The following CD84 variants were observed in gnomAD, a reference collection of about 807,000 sequenced individuals.
CD84 encodes the protein CD84 molecule, also known as SLAM family member 5.
CD84 carries 22 observed loss-of-function variants against 33.8 expected under a neutral mutation model. The observed-to-expected ratio is 0.65, with a 90% CI of 0.46 to 0.93. CD84 has a LOEUF of 0.93. Among genes scored for constraint, CD84 ranks in the 40% least tolerant of loss-of-function variants. The pLI is 0.00. For missense variants in CD84, 400 were observed against 397.6 expected (o/e 1.01, Z -0.05); for synonymous variants, 154 against 145.2 (o/e 1.06, Z -0.44).
chr1:160,578,104 G>A (rs575573988), intron 1 of CD84, among the ~76,000 whole-genome samples: 8 of 152,234 alleles, frequency 5.3e-5, no homozygotes, highest in African/African-American at 1.7e-4. Context: ...ACCAATTTAG[G>A]TAGTGAAATT....
intron 6 of CD84, among the ~76,000 whole-genome samples, chr1:160,549,121 G>T (rs1656013350): frequency 1.3e-5 from 2 of 151,890 alleles, no homozygotes; most frequent in African/African-American, 4.8e-5. Context: ...ATCTTTTCAA[G>T]CAAACTGCCC....
At chr1:160,551,070 G>C (rs2102130108) in intron 4 of CD84, 35 bp from the exon 5 acceptor site, 1 of 1,509,116 alleles carries the variant, frequency 6.6e-7, no homozygotes, top group East Asian at 2.3e-5. Context: ...CACAGTCTGT[G>C]AAAGGTGGTT....
At chr1:160,560,227 G>C (rs1656861148) in intron 2 of CD84, among the ~76,000 whole-genome samples, 1 of 152,020 alleles carries the variant, frequency 6.6e-6, no homozygotes, top group Admixed American at 6.6e-5. Flanking sequence ...CTTTAAAATT[G>C]ATCACATAAT....
Position 160,543,575 on chromosome 1 carries a change from C to T in CD84, c.*4681G>A, listed in dbSNP as rs1452566127. The T allele has an allele frequency of 6.7e-6, 1 of 149,880 alleles. No homozygotes were observed. The highest frequency in any genetic ancestry group is 1.5e-5 in the Non-Finnish European group (1 of 67,636). The allele number at this position is 149,880 out of a possible 1,614,324, so 9.3% of individuals were successfully genotyped here. On this transcript the variant is annotated 3_prime_UTR_variant, in exon 7 of 7. Coordinates refer to ENST00000368054, the MANE Select transcript of CD84 (RefSeq NM_003874.4). ...GCCCTCAATGATTCTTACAGGCTCC[C>T]TATCTTCAAGGAGCTCTCCATTATT...
chr1:160,579,361 T>A, intron 1 of CD84, 31 bp downstream of exon 1: 1 of 1,612,818 alleles, frequency 6.2e-7, no homozygotes, highest in Middle Eastern at 1.7e-4. Context: ...TATGGAAAAC[T>A]AGGAGGCGAT....
intron 2 of CD84, among the ~76,000 whole-genome samples, chr1:160,559,727 A>C (rs888751290): frequency 2.0e-5 from 3 of 152,226 alleles, no homozygotes; most frequent in African/African-American, 4.8e-5. Context: ...TGCTGTCTTC[A>C]AGAGACCCAT....
In CD84 at chr1:160,542,628, T is replaced by A. The variant is rs1655601513; in HGVS notation, c.*5628A>T. 1 of 152,234 alleles carries A rather than the reference T, an allele frequency of 6.6e-6. No individual in the cohort carries two copies. The highest frequency in any genetic ancestry group is 2.4e-5 in the African/African-American group (1 of 41,464). The allele number at this position is 152,234 out of a possible 1,614,324, so 9.4% of individuals were successfully genotyped here. A position where few individuals can be genotyped will look rare whatever the true frequency, so the allele number is the denominator to read the frequency against. The stretch of plus-strand genomic sequence containing the variant: ...TTGCAAAGATTTGGCCATTTTCCAG[T>A]CTCAGAATTGATCCATCCCAAACCC... On this transcript the variant is annotated 3_prime_UTR_variant, in exon 7 of 7. Transcript: ENST00000368054.
intron 6 of CD84, among the ~76,000 whole-genome samples, chr1:160,549,524 C>T (rs2102123877): frequency 6.6e-6 from 1 of 152,344 alleles, no homozygotes; most frequent in South Asian, 2.1e-4. Flanking sequence ...AATTCAGCTT[C>T]TGCTCCATTG....
rs200800932 is a variant in CD84 at position 160,548,339 on chromosome 1, G to A, written c.922-18C>T. ...TTCCCCATCTGTGCAGGAGAGAAGCGTGAGAAAATGTTAACTGAGAGGTGC... is the reference window on the plus strand; with the variant it reads ...TTCCCCATCTGTGCAGGAGAGAAGCATGAGAAAATGTTAACTGAGAGGTGC... On this transcript the variant is annotated intron_variant, in intron 6 of 6. Transcript: ENST00000368054. 8.9e-5 allele frequency: 144 copies of A among 1,613,838 alleles called. No homozygotes were observed. Among genetic ancestry groups the A allele is most frequent in the Admixed American group, 6.8e-4 (41 of 59,990 alleles).
intron 1 of CD84, among the ~76,000 whole-genome samples, chr1:160,574,039 A>G (rs1222246600): frequency 1.3e-5 from 2 of 151,856 alleles, no homozygotes; most frequent in Non-Finnish European, 2.9e-5. Flanking sequence ...GCTGCCATGA[A>G]CCACGATTGT....
At chr1:160,556,997 A>G (rs1023738107) in intron 2 of CD84, among the ~76,000 whole-genome samples, 39 of 152,210 alleles carry the variant, frequency 2.6e-4, no homozygotes, top group Admixed American at 3.3e-4. Context: ...AGCCTTCTTC[A>G]TCTAGGAAGT....
intron 1 of CD84, among the ~76,000 whole-genome samples, chr1:160,572,586 A>G (rs574464735): frequency 4.2e-4 from 64 of 150,620 alleles, no homozygotes; most frequent in Admixed American, 9.3e-4. Context: ...TGGGGGGGGG[A>G]ATGTTACTAT....
At chr1:160,562,200 C>T (rs1291550650) in intron 2 of CD84, among the ~76,000 whole-genome samples, 6 of 152,172 alleles carry the variant, frequency 3.9e-5, no homozygotes, top group African/African-American at 1.2e-4. Context: ...CTACTATTGA[C>T]ATTCTTCATA....
chr1:160,544,150 T>C lies in CD84; in HGVS notation c.*4106A>G, dbSNP rs911582400. 7.0e-6 allele frequency: 1 copy of C among 143,664 alleles called. No individual in the cohort carries two copies. Among genetic ancestry groups the C allele is most frequent in the Non-Finnish European group, 1.5e-5 (1 of 65,454 alleles). 8.9% of individuals were successfully genotyped at this position (143,664 alleles called of 1,614,324 possible). A position where few individuals can be genotyped will look rare whatever the true frequency, so the allele number is the denominator to read the frequency against. On this transcript the variant is annotated 3_prime_UTR_variant, in exon 7 of 7. Coordinates refer to ENST00000368054, the MANE Select transcript of CD84 (RefSeq NM_003874.4). The stretch of plus-strand genomic sequence containing the variant: ...TATTGTCTTTGTTCTTCAAACTTTT[T>C]TTTTTTTTTTTTTTTTTGAGACGGA...
intron 1 of CD84, among the ~76,000 whole-genome samples, chr1:160,575,838 G>A (rs576543048): frequency 1.3e-5 from 2 of 152,270 alleles, no homozygotes; most frequent in South Asian, 2.1e-4. Context: ...TGGCTGCCTT[G>A]TTGGCCTCCA....
intron 2 of CD84, among the ~76,000 whole-genome samples, chr1:160,562,138 A>C (rs1247500599): frequency 1.3e-5 from 2 of 152,220 alleles, no homozygotes; most frequent in Admixed American, 1.3e-4. Context: ...ATATCATGAA[A>C]ATGGCCATAC....
chr1:160,556,828 G>A (rs1421837222), intron 2 of CD84, among the ~76,000 whole-genome samples: 1 of 152,030 alleles, frequency 6.6e-6, no homozygotes, highest in East Asian at 1.9e-4. Context: ...CTGAAGATTG[G>A]GTAGGCAAAA....
chr1:160,565,449 C>T lies in CD84; in HGVS notation c.343G>A (p.Ala115Thr). Residue 115 changes from alanine to threonine, a missense_variant, in exon 2 of 7, where the codon GCT (alanine) becomes ACT (threonine). By Grantham distance (58) the Ala-to-Thr change is moderately conservative (BLOSUM62 0). Transcript: ENST00000368054. ...CGCTTGGTGGTGGTGTAGGGATCAG[C>T]CTGTGTATTTATGTCTGCTTTGTAG... is the stretch of plus-strand genomic sequence containing the variant. The part of the protein sequence containing the change: ...GDYKADINTQ[A>T]DPYTTTKRYN... 1 of 1,613,608 alleles carries T rather than the reference C, an allele frequency of 6.2e-7. No homozygotes were observed. The highest frequency in any genetic ancestry group is 8.5e-7 in the Non-Finnish European group (1 of 1,179,734).
chr1:160,575,494 A>AACACACACAAAC (rs1553234562), intron 1 of CD84, among the ~76,000 whole-genome samples: 16 of 146,804 alleles, frequency 1.1e-4, no homozygotes, highest in African/African-American at 4.0e-4. Context: ...GTTCCTTCAA[A>AACACACACAAAC]ACACACACAC....
Sources: allele counts gnomAD v4.1 joint callset (sites outside exome capture counted in the v4.1 genomes callset), GRCh38; gene constraint gnomAD v4.1.1; transcripts MANE v1.5; gene names NCBI Gene and HGNC (gene_info 2026-07-23, HGNC 2026-07-21).